The following ERBB4 variants were observed in gnomAD, a reference collection of about 807,000 sequenced individuals.
ERBB4 encodes the protein erb-b2 receptor tyrosine kinase 4.
ERBB4 carries 42 observed loss-of-function variants against 158.0 expected under a neutral mutation model. That is an observed-to-expected ratio of 0.27 (90% CI 0.21 to 0.34). The LOEUF is 0.34. Ranked by LOEUF, ERBB4 falls within the 10% of genes least tolerant of loss-of-function variation. The pLI is 1.00. For synonymous variants in ERBB4, 583 were observed against 558.7 expected (o/e 1.04, Z -0.61); for missense variants, 1,333 against 1,624.1 (o/e 0.82, Z 3.08).
chr2:211,756,847 C>T (rs1450747753), intron 4 of ERBB4, among the ~76,000 whole-genome samples: 1 of 152,180 alleles, frequency 6.6e-6, no homozygotes, highest in East Asian at 1.9e-4. Flanking sequence ...TGATCAGATG[C>T]TTGGTAACCA....
intron 9 of ERBB4, among the ~76,000 whole-genome samples, chr2:211,710,179 A>C (rs1486687420): frequency 6.6e-6 from 1 of 152,126 alleles, no homozygotes; most frequent in African/African-American, 2.4e-5. Flanking sequence ...GTTGTGCCTG[A>C]TAAGGATAAA....
intron 1 of ERBB4, among the ~76,000 whole-genome samples, chr2:212,164,575 A>C (rs1330039074): frequency 2.0e-5 from 3 of 152,050 alleles, no homozygotes; most frequent in Non-Finnish European, 4.4e-5. Flanking sequence ...ATGTGACTAA[A>C]TATGACTCCA....
At position 212,178,532 on chromosome 2, in the gene ERBB4, AT is replaced by A. The variant is rs2081751819; in HGVS notation, c.83-53630del. On this transcript the variant is annotated intron_variant, in intron 1 of 27. Transcript: ENST00000342788. ...TAGGTTTCAGTAACTTTTATAATTT[AT>A]TTCATCCTCTTAAATACATATGTAT... 2.0e-5 allele frequency among the ~76,000 whole-genome samples: 3 copies of A among 151,904 alleles called. No individual in the cohort carries two copies. The South Asian group carries it at 6.2e-4, about 32-fold the overall frequency.
chr2:211,620,059 C>A (rs1049397112), intron 18 of ERBB4, among the ~76,000 whole-genome samples: 6 of 151,992 alleles, frequency 3.9e-5, no homozygotes, highest in African/African-American at 1.4e-4. Context: ...CAACATTAAG[C>A]TAAATAATAG....
At chr2:211,542,630 T>C (rs979678189) in intron 20 of ERBB4, among the ~76,000 whole-genome samples, 3 of 152,010 alleles carry the variant, frequency 2.0e-5, no homozygotes, top group Admixed American at 6.6e-5. Context: ...CTTTAGAGAA[T>C]TGAGAATATT....
intron 2 of ERBB4, among the ~76,000 whole-genome samples, chr2:212,044,457 T>C (rs1366090912): frequency 6.6e-6 from 1 of 152,126 alleles, no homozygotes; most frequent in African/African-American, 2.4e-5. Flanking sequence ...CCCTCCCCCT[T>C]TTGAAACAGA....
chr2:211,498,105 T>G (rs2065519686), intron 20 of ERBB4, among the ~76,000 whole-genome samples: 1 of 152,062 alleles, frequency 6.6e-6, no homozygotes, highest in South Asian at 2.1e-4. Context: ...ACCCTTCTCA[T>G]TCCCTTAGTG....
intron 2 of ERBB4, among the ~76,000 whole-genome samples, chr2:212,109,153 G>T (rs2079323571): frequency 6.6e-6 from 1 of 152,136 alleles, no homozygotes; most frequent in Non-Finnish European, 1.5e-5. Flanking sequence ...CCTACAACAT[G>T]CCAGCATCTT....
At chr2:212,080,669 T>C (rs1255059993) in intron 2 of ERBB4, among the ~76,000 whole-genome samples, 1 of 87,588 alleles carries the variant, frequency 1.1e-5, no homozygotes, top group African/African-American at 4.7e-5. Flanking sequence ...TTTTATGGTA[T>C]AAATAGTAAA....
intron 1 of ERBB4, among the ~76,000 whole-genome samples, chr2:212,192,863 C>A (rs1466772152): frequency 6.6e-6 from 1 of 152,064 alleles, no homozygotes; most frequent in East Asian, 1.9e-4. Flanking sequence ...GATTTGCTAT[C>A]CATAGGGAGG....
intron 1 of ERBB4, among the ~76,000 whole-genome samples, chr2:212,418,429 A>C (rs1480699871): frequency 6.6e-6 from 1 of 151,662 alleles, no homozygotes; most frequent in Non-Finnish European, 1.5e-5. Context: ...GAGTAATCCA[A>C]AATTGTGTGT....
chr2:212,497,778 A>C (rs1399693645), intron 1 of ERBB4, among the ~76,000 whole-genome samples: 1 of 152,224 alleles, frequency 6.6e-6, no homozygotes, highest in Non-Finnish European at 1.5e-5. Context: ...ACCTAAGGGC[A>C]CAATACAGCA....
intron 8 of ERBB4, 83 bp from the exon 9 acceptor site, chr2:211,712,259 A>G (rs1298769708): frequency 1.5e-6 from 2 of 1,310,792 alleles, no homozygotes; most frequent in African/African-American, 1.5e-5. Flanking sequence ...ATAAAATAGC[A>G]GAGTATTTTT....
intron 4 of ERBB4, among the ~76,000 whole-genome samples, chr2:211,787,008 T>A (rs929738919): frequency 1.3e-5 from 2 of 152,228 alleles, no homozygotes; most frequent in Non-Finnish European, 2.9e-5. Flanking sequence ...TAGCCATTTA[T>A]TAAAAACACA....
At chr2:211,492,661 A>G (rs1476377467) in intron 20 of ERBB4, among the ~76,000 whole-genome samples, 1 of 152,136 alleles carries the variant, frequency 6.6e-6, no homozygotes, top group Non-Finnish European at 1.5e-5. Flanking sequence ...ACAGACTCAA[A>G]AGTACATTAT....
intron 19 of ERBB4, among the ~76,000 whole-genome samples, chr2:211,617,774 T>C (rs555353397): frequency 6.6e-6 from 1 of 152,216 alleles, no homozygotes; most frequent in South Asian, 2.1e-4. Context: ...TAGAGATATA[T>C]AGCAATTCAT....
intron 1 of ERBB4, among the ~76,000 whole-genome samples, chr2:212,261,530 CT>C (rs2084944511): frequency 6.6e-6 from 1 of 152,096 alleles, no homozygotes; most frequent in Non-Finnish European, 1.5e-5. Flanking sequence ...AAATTAACAT[CT>C]TTTTCATAGA....
intron 1 of ERBB4, among the ~76,000 whole-genome samples, chr2:212,251,516 A>T (rs2084532544): frequency 1.3e-5 from 2 of 151,894 alleles, no homozygotes; most frequent in African/African-American, 2.4e-5. Flanking sequence ...AAAAAGCAAA[A>T]ATGAGGATCA....
chr2:212,095,745 A>G (rs2078910247), intron 2 of ERBB4, among the ~76,000 whole-genome samples: 1 of 152,038 alleles, frequency 6.6e-6, no homozygotes, highest in African/African-American at 2.4e-5. Context: ...ATCCTGGCTA[A>G]CACGGTGAAA....
Sources: allele counts gnomAD v4.1 joint callset (sites outside exome capture counted in the v4.1 genomes callset), GRCh38; gene constraint gnomAD v4.1.1; transcripts MANE v1.5; gene names NCBI Gene and HGNC (gene_info 2026-07-23, HGNC 2026-07-21).